Variants in APBB1 observed in about 807,000 individuals in gnomAD.
APBB1 encodes the protein amyloid beta precursor protein binding family B member 1.
APBB1 carries 22 observed loss-of-function variants against 78.4 expected under a neutral mutation model. That is an observed-to-expected ratio of 0.28 (90% confidence interval 0.20 to 0.40). The LOEUF (loss-of-function observed/expected upper bound fraction) is 0.40, where lower values mean the gene tolerates loss of function less well. APBB1 is among the 10% of genes least tolerant of loss of function. The probability of loss-of-function intolerance (pLI) is 1.00; values close to 1 mark genes in which losing one functional copy is unlikely to be tolerated. For missense variants in APBB1, 749 were observed against 932.4 expected, an observed-to-expected ratio of 0.80 and a Z score of 2.56; for synonymous variants, 369 against 372.7, an observed-to-expected ratio of 0.99 and a Z score of 0.12.
At position 6,396,340 on chromosome 11, in the gene APBB1, A is replaced by C. The variant is rs1480790894; in HGVS notation, c.1673-125T>G. 13 of 776,658 alleles carry C rather than the reference A, an allele frequency of 1.7e-5. No homozygotes were observed. In the East Asian group the frequency reaches 3.4e-4, roughly 20 times the overall value. The allele number at this position is 776,658 out of a possible 1,614,324, so 48.1% of individuals were successfully genotyped here. ...CCCCATCCCCACTTTGCCAGCCTAC[A>C]TTTTGGACAACGCTGTCCAAGTATC... On this transcript the variant is annotated intron_variant, in intron 12 of 14. Coordinates refer to ENST00000609360, the MANE Select transcript of APBB1 (RefSeq NM_001164.5).
intron 1 of APBB1, among the ~76,000 whole-genome samples, chr11:6,413,459 C>G (rs948471019): frequency 4.6e-5 from 7 of 152,138 alleles, no homozygotes; most frequent in African/African-American, 1.7e-4. Flanking sequence ...GTGTTCTCAG[C>G]GCTGAGCACA....
rs1358208517 is a variant in APBB1, at chr11:6,396,207, C to T, written c.1681G>A (p.Val561Met). ...VPVAKPVGVD[V>M]INGALESVLS... is the part of the protein sequence containing the mutation. ...ACTGACTCGAGGGCCCCATTAATCA[C>T]ATCTACCCCTAGAACATATGGACAC... The change falls in exon 13 of 15, where the codon GTG becomes ATG. Residue 561 changes from valine (V) to methionine (M), a missense_variant. Physicochemically the swap from Val to Met is conservative, Grantham distance 21 (BLOSUM62 1). Transcript: ENST00000609360. The T allele has an allele frequency of 6.4e-7, 1 of 1,551,086 alleles. No homozygotes were observed. The highest frequency in any genetic ancestry group is 8.7e-7 in the Non-Finnish European group (1 of 1,146,760).
chr11:6,416,183 TCTCATCTCCACACTC>T (rs1849113350), intron 1 of APBB1, among the ~76,000 whole-genome samples: 2 of 152,044 alleles, frequency 1.3e-5, no homozygotes, highest in South Asian at 4.1e-4. Flanking sequence ...GCCTCCACAC[TCTCATCTCCACACTC>T]CTCATCTCAT....
intron 2 of APBB1, among the ~76,000 whole-genome samples, chr11:6,406,826 C>T (rs1438075325): frequency 1.3e-5 from 2 of 152,198 alleles, no homozygotes; most frequent in African/African-American, 4.8e-5. Context: ...TCAGGGGCCC[C>T]TCCTGTACTT....
At chr11:6,402,555 A>AC in intron 7 of APBB1, 21 bp downstream of exon 7, 1 of 1,608,916 alleles carries the variant, frequency 6.2e-7, no homozygotes, top group Non-Finnish European at 8.5e-7. Flanking sequence ...ACCACCCCCT[A>AC]CCCCCGGCTC....
intron 1 of APBB1, among the ~76,000 whole-genome samples, chr11:6,413,357 C>G (rs954064443): frequency 6.6e-6 from 1 of 152,206 alleles, no homozygotes; most frequent in Non-Finnish European, 1.5e-5. Context: ...AGACCTTTCT[C>G]CTTGATGTCT....
chr11:6,410,593 C>T, intron 2 of APBB1, 34 bp downstream of exon 2: 4 of 1,504,010 alleles, frequency 2.7e-6, no homozygotes, highest in Non-Finnish European at 3.6e-6. Flanking sequence ...CCCTCACACC[C>T]TCCCACATGC....
intron 1 of APBB1, among the ~76,000 whole-genome samples, chr11:6,412,977 C>T (rs976735056): frequency 1.3e-5 from 2 of 152,022 alleles, no homozygotes; most frequent in Non-Finnish European, 2.9e-5. Context: ...CATTTGAGTC[C>T]CAACTATCCT....
chr11:6,407,752 G>C (rs972797367), intron 2 of APBB1, among the ~76,000 whole-genome samples: 2 of 151,578 alleles, frequency 1.3e-5, no homozygotes, highest in Middle Eastern at 3.2e-3. Flanking sequence ...GAGGCAATCA[G>C]ACTTTGCCTT....
chr11:6,408,015 A>G (rs550982830), intron 2 of APBB1, among the ~76,000 whole-genome samples: 5 of 151,626 alleles, frequency 3.3e-5, no homozygotes, highest in Admixed American at 6.6e-5. Context: ...TCCTGACCTC[A>G]TGATCCACCC....
In APBB1 at chr11:6,402,594, C is replaced by T; in HGVS notation, c.1236G>A (p.Met412Ile). The change falls in exon 7 of 15, where the codon ATG becomes ATA. Residue 412 changes from methionine to isoleucine, a missense_variant. By Grantham distance (10) the Met-to-Ile change is conservative. Around this residue, in one of 3 missense-constraint regions of APBB1, gnomAD observed 635 missense variants for 765.0 expected, o/e 0.83. Transcript: ENST00000609360. ...TCCTTACTTCCCCCCAGCCCCCAGA[C>T]ATGGGGTCATGCAGGTTGTTTTTGT... ...SYHKNNLHDP[M>I]SGGWGEGKDL... 1 of 1,614,132 alleles carries T rather than the reference C, an allele frequency of 6.2e-7. No homozygotes were observed. The highest frequency in any genetic ancestry group is 8.5e-7 in the Non-Finnish European group (1 of 1,180,010).
At chr11:6,414,015 T>C (rs907173506) in intron 1 of APBB1, among the ~76,000 whole-genome samples, 5 of 152,086 alleles carry the variant, frequency 3.3e-5, no homozygotes, top group Admixed American at 1.3e-4. Context: ...ATTGTGTCAC[T>C]CCCTGGTTCA....
Position 6,411,958 on chromosome 11 carries a change from G to A in APBB1, c.-14-597C>T, listed in dbSNP as rs916655018. Among the ~76,000 whole-genome samples the A allele has an allele frequency of 6.6e-6, 1 of 152,240 alleles. No homozygotes were observed. The highest frequency in any genetic ancestry group is 1.5e-5 in the Non-Finnish European group (1 of 68,044). On this transcript the variant is annotated intron_variant, in intron 1 of 14. Transcript: ENST00000609360. This position sits in a 1 kb window ranked among gnomAD's most constrained non-coding sequence, Gnocchi z 5.2. Reference sequence around the variant, plus strand: ...ATGGCACTGGAAGGCAGGTCACAGAGGGAGGGCGCTCGGCTGCAATTCATG... The same window carrying A: ...ATGGCACTGGAAGGCAGGTCACAGAAGGAGGGCGCTCGGCTGCAATTCATG...
intron 2 of APBB1, among the ~76,000 whole-genome samples, chr11:6,408,918 C>T (rs527536358): frequency 3.3e-5 from 5 of 151,930 alleles, no homozygotes; most frequent in Non-Finnish European, 5.9e-5. Flanking sequence ...GGATTACAGG[C>T]GTGAGCCACT....
Position 6,411,187 on chromosome 11 carries a change from A to C in APBB1, c.161T>G (p.Met54Arg), listed in dbSNP as rs1161565126. The change falls in exon 2 of 15, where the codon ATG (methionine) becomes AGG (arginine). Residue 54 changes from methionine to arginine, a missense_variant. Met to Arg is a moderately conservative substitution (Grantham distance 91, BLOSUM62 -1). Coordinates refer to ENST00000609360, the MANE Select transcript of APBB1 (RefSeq NM_001164.5). This position sits in a 1 kb window ranked among gnomAD's most constrained non-coding sequence, Gnocchi z 5.2. ...TGGCTCAGGCCCACCACCCTCCCCC[A>C]TGGCGCTGCGCAGGTCCTTGGGTCC... ...AVGPKDLRSA[M>R]GEGGGPEPGP... 6 of 1,607,754 alleles carry C rather than the reference A, an allele frequency of 3.7e-6. No homozygotes were observed. Among genetic ancestry groups the C allele is most frequent in the Non-Finnish European group, 5.1e-6 (6 of 1,179,040 alleles).
chr11:6,418,854 C>T (rs985023197), intron 1 of APBB1, 131 bp downstream of exon 1: 2 of 356,746 alleles, frequency 5.6e-6, no homozygotes, highest in African/African-American at 4.3e-5. Flanking sequence ...GGTGGAAGGG[C>T]GACCCGGGGA....
At chr11:6,418,522 C>CT (rs1365855412) in intron 1 of APBB1, among the ~76,000 whole-genome samples, 18 of 152,212 alleles carry the variant, frequency 1.2e-4, no homozygotes, top group African/African-American at 4.1e-4. Context: ...CTTGGCAGTG[C>CT]TAGGCCTCCT....
intron 2 of APBB1, among the ~76,000 whole-genome samples, chr11:6,409,537 T>C (rs1368801860): frequency 1.3e-5 from 2 of 152,174 alleles, no homozygotes; most frequent in African/African-American, 4.8e-5. Flanking sequence ...TTTTTGTGTA[T>C]GTTTGAAAAT....
rs1177060282 is a variant in APBB1 at position 6,403,349 on chromosome 11, C to A, written c.1010G>T (p.Gly337Val). 3 of 1,614,048 alleles carry A rather than the reference C, an allele frequency of 1.9e-6. No homozygotes were observed. In the African/African-American group the frequency reaches 4.0e-5, roughly 22 times the overall value. ...GCTCTGAGCTGGGAAGGTCAACGTCCCCTCCTCAGGTTCCTTCAGTCCCAG... is the reference window on the plus strand; with the variant it reads ...GCTCTGAGCTGGGAAGGTCAACGTCACCTCCTCAGGTTCCTTCAGTCCCAG... ...MELGLKEPEE[G>V]TLTFPAQSLS... is the part of the protein sequence containing the mutation. Residue 337 changes from glycine (G) to valine (V), a missense_variant, in exon 5 of 15, where the codon GGG (glycine) becomes GTG (valine). By Grantham distance (109) the Gly-to-Val change is moderately radical. Around this residue, in one of 3 missense-constraint regions of APBB1, gnomAD observed 635 missense variants for 765.0 expected, o/e 0.83. Transcript: ENST00000609360. This position sits in a 1 kb window ranked among gnomAD's most constrained non-coding sequence, Gnocchi z 5.3.
Sources: allele counts gnomAD v4.1 joint callset (sites outside exome capture counted in the v4.1 genomes callset), GRCh38; gene constraint gnomAD v4.1.1; regional missense constraint gnomAD v4.1.1; non-coding constraint Gnocchi (gnomAD v3.1); transcripts MANE v1.5; gene names NCBI Gene and HGNC (gene_info 2026-07-23, HGNC 2026-07-21).